Variants in TMEM117 observed in about 807,000 individuals in gnomAD.
The protein encoded by TMEM117 is transmembrane protein 117.
TMEM117 carries 27 observed loss-of-function variants against 52.4 expected under a neutral mutation model. That is an observed-to-expected ratio of 0.51 (90% CI 0.38 to 0.71). The LOEUF (loss-of-function observed/expected upper bound fraction) is 0.71, where lower values mean the gene tolerates loss of function less well. Among genes scored for constraint, TMEM117 ranks in the 30% least tolerant of loss-of-function variants. TMEM117 has a pLI of 0.00. For missense variants in TMEM117, 556 were observed against 630.5 expected (o/e 0.88, Z 1.26); for synonymous variants, 215 against 206.3 (o/e 1.04, Z -0.36).
At chr12:43,813,228 C>CTTT in the TMEM117 span, among the ~76,000 whole-genome samples, 2 of 73,174 alleles carry the variant, frequency 2.7e-5, no homozygotes, top group African/African-American at 6.0e-5. Context: ...CTGGTTTTCT[C>CTTT]TTGTTTTTTT....
chr12:44,121,028 A>G (rs897110532), intron 3 of TMEM117, among the ~76,000 whole-genome samples: 3 of 152,234 alleles, frequency 2.0e-5, no homozygotes, highest in Admixed American at 1.3e-4. Flanking sequence ...ATCATGGTGG[A>G]AGGTGAGAGG....
intron 4 of TMEM117, among the ~76,000 whole-genome samples, chr12:44,187,003 G>A (rs1374583876): frequency 1.3e-5 from 2 of 152,100 alleles, no homozygotes; most frequent in Non-Finnish European, 2.9e-5. Flanking sequence ...GAGAACCTGG[G>A]AGTATGTATA....
At chr12:44,376,844 C>A in intron 7 of TMEM117, 120 bp downstream of exon 7, 2 of 1,112,820 alleles carry the variant, frequency 1.8e-6, no homozygotes, top group Non-Finnish European at 2.5e-6. Context: ...ATTTCTCATT[C>A]ACTTAACAGT....
chr12:44,334,353 C>T (rs1245639378), intron 6 of TMEM117, among the ~76,000 whole-genome samples: 1 of 151,954 alleles, frequency 6.6e-6, no homozygotes, highest in Non-Finnish European at 1.5e-5. Context: ...AAATAGCATT[C>T]ATCCTGGATA....
In TMEM117 at chr12:44,361,797, A is replaced by T. The variant is rs557491616; in HGVS notation, c.769-14798A>T. 6.1e-3 allele frequency among the ~76,000 whole-genome samples: 926 copies of T among 152,254 alleles called. 7 individuals are homozygous for T. The highest frequency in any genetic ancestry group is 0.022 in the African/African-American group (902 of 41,544). The stretch of plus-strand genomic sequence containing the variant: ...AAGAAGAGTTACATACACAAAAAAA[A>T]ATTGTGCCATTGTGATAGGGGAGTG... On this transcript the variant is annotated intron_variant, in intron 6 of 7. Coordinates refer to ENST00000266534, the MANE Select transcript of TMEM117 (RefSeq NM_032256.3).
chr12:44,070,066 T>C (rs375580703), intron 3 of TMEM117, among the ~76,000 whole-genome samples: 5 of 152,182 alleles, frequency 3.3e-5, no homozygotes, highest in Admixed American at 6.5e-5. Flanking sequence ...ATTATTTGTA[T>C]TTTTTGTAGA....
At chr12:44,294,944 AGC>A in intron 5 of TMEM117, among the ~76,000 whole-genome samples, 1 of 152,198 alleles carries the variant, frequency 6.6e-6, no homozygotes, top group African/African-American at 2.4e-5. Flanking sequence ...GGTAAATGAA[AGC>A]ATTGAAAGTG....
intron 4 of TMEM117, among the ~76,000 whole-genome samples, chr12:44,187,987 A>T (rs1052182056): frequency 6.6e-6 from 1 of 152,170 alleles, no homozygotes; most frequent in Non-Finnish European, 1.5e-5. Flanking sequence ...GATTAAGAGA[A>T]TCCAACCTGG....
At chr12:44,361,104 C>T (rs1239813529) in intron 6 of TMEM117, among the ~76,000 whole-genome samples, 1 of 151,952 alleles carries the variant, frequency 6.6e-6, no homozygotes, top group Non-Finnish European at 1.5e-5. Flanking sequence ...TTCACAGACT[C>T]TAAAAGACAA....
At chr12:43,873,487 A>G (rs2137432305) in intron 2 of TMEM117, among the ~76,000 whole-genome samples, 1 of 152,232 alleles carries the variant, frequency 6.6e-6, no homozygotes, top group South Asian at 2.1e-4. Flanking sequence ...TTTAACAATT[A>G]ATTTTAATAC....
chr12:44,152,163 T>C (rs1208874878), intron 4 of TMEM117, among the ~76,000 whole-genome samples: 1 of 110,506 alleles, frequency 9.0e-6, no homozygotes, highest in Non-Finnish European at 1.6e-5. Flanking sequence ...ATTTACATAA[T>C]ATATATAAAA....
intron 3 of TMEM117, among the ~76,000 whole-genome samples, chr12:43,984,252 C>T (rs1945808462): frequency 6.6e-6 from 1 of 152,004 alleles, no homozygotes; most frequent in Non-Finnish European, 1.5e-5. Context: ...TCTGTAGTCC[C>T]AGCTATTCGG....
chr12:43,944,644 A>G (rs570915220), intron 3 of TMEM117, among the ~76,000 whole-genome samples: 5 of 152,246 alleles, frequency 3.3e-5, no homozygotes, highest in African/African-American at 9.6e-5. Flanking sequence ...AGGAAATCTT[A>G]TTGATTTGCA....
chr12:44,309,661 C>G (rs1417953474), intron 6 of TMEM117, among the ~76,000 whole-genome samples: 2 of 151,330 alleles, frequency 1.3e-5, no homozygotes, highest in African/African-American at 4.9e-5. Context: ...TTTAATCTTA[C>G]AAAACCTTCC....
intron 2 of TMEM117, among the ~76,000 whole-genome samples, chr12:43,935,436 G>A (rs1279744131): frequency 6.6e-6 from 1 of 152,058 alleles, no homozygotes; most frequent in Non-Finnish European, 1.5e-5. Flanking sequence ...TTCTTGTCAA[G>A]TATTCTAATA....
chr12:43,809,079 G>A, the TMEM117 span, among the ~76,000 whole-genome samples: 1 of 152,188 alleles, frequency 6.6e-6, no homozygotes, highest in Non-Finnish European at 1.5e-5. Flanking sequence ...GCCAAATAAT[G>A]ACATTTTAAA....
At chr12:44,259,868 A>G (rs1950301408) in intron 5 of TMEM117, among the ~76,000 whole-genome samples, 1 of 152,194 alleles carries the variant, frequency 6.6e-6, no homozygotes, top group Non-Finnish European at 1.5e-5. Flanking sequence ...CTGCTATTTG[A>G]TGAGTTGAAG....
At chr12:44,292,867 T>C (rs1047657157) in intron 5 of TMEM117, among the ~76,000 whole-genome samples, 1 of 152,072 alleles carries the variant, frequency 6.6e-6, no homozygotes, top group African/African-American at 2.4e-5. Flanking sequence ...TCCTGAAGAA[T>C]GTTCCATGTA....
At chr12:44,166,096 A>G (rs1565856905) in intron 4 of TMEM117, among the ~76,000 whole-genome samples, 3 of 152,212 alleles carry the variant, frequency 2.0e-5, no homozygotes, top group Non-Finnish European at 4.4e-5. Flanking sequence ...AATACAAGGA[A>G]AATAAAAGTG....
Sources: allele counts gnomAD v4.1 joint callset (sites outside exome capture counted in the v4.1 genomes callset), GRCh38; gene constraint gnomAD v4.1.1; transcripts MANE v1.5; gene names NCBI Gene and HGNC (gene_info 2026-07-23, HGNC 2026-07-21).